The following CERCAM variants were observed in gnomAD, a reference collection of about 807,000 sequenced individuals.
CERCAM encodes cerebral endothelial cell adhesion molecule, also known as inactive glycosyltransferase 25 family member 3.
In CERCAM, 59 loss-of-function variants were observed where a neutral mutation model predicts 66.0. That is an observed-to-expected ratio of 0.89 (90% CI 0.73 to 1.11). CERCAM has a LOEUF of 1.11. Among genes scored for constraint, CERCAM ranks in the 50% most tolerant of loss-of-function variants. The pLI, the probability that CERCAM is intolerant of heterozygous loss-of-function variation, is 0.00. For missense variants in CERCAM, 840 were observed against 828.3 expected, an observed-to-expected ratio of 1.01 and a Z score of -0.17; for synonymous variants, 318 against 343.6, an observed-to-expected ratio of 0.93 and a Z score of 0.83.
In CERCAM at chr9:128,429,790, A is replaced by AT. The variant is rs1343447587; in HGVS notation, c.1070+769dup. On this transcript the variant is annotated intron_variant, in intron 8 of 12. Coordinates refer to ENST00000372838, the MANE Select transcript of CERCAM (RefSeq NM_016174.5). Reference sequence around the variant, plus strand: ...TATCACATCCAGCTAATTAAAAAGAATTTTTTTTTTTTTTTGAGGCAGAGT... The same window carrying AT: ...TATCACATCCAGCTAATTAAAAAGAATTTTTTTTTTTTTTTTGAGGCAGAGT... Among the ~76,000 whole-genome samples, 289 of 141,494 alleles carry AT rather than the reference A, an allele frequency of 2.0e-3. 1 individual carries two copies. The highest frequency in any genetic ancestry group is 3.8e-3 in the Middle Eastern group (1 of 260). The allele number at this position is 141,494 out of a possible 152,430, so 92.8% of individuals were successfully genotyped here.
Position 128,428,406 on chromosome 9 carries a change from A to G in CERCAM, c.871A>G (p.Ile291Val). The G allele has an allele frequency of 6.2e-7, 1 of 1,614,026 alleles. No individual in the cohort carries two copies. The highest frequency in any genetic ancestry group is 1.7e-5 in the Admixed American group (1 of 59,998). The stretch of plus-strand genomic sequence containing the variant: ...CGAGAGGGTCAACTTCATCCACCTG[A>G]TCTTAGAAGCACTAGGTGAGGGCTG... ...EDERVNFIHL[I>V]LEALVDGPRM... The change falls in exon 6 of 13, where the codon ATC becomes GTC. Residue 291 changes from isoleucine (I) to valine (V), a missense_variant. Ile to Val is a conservative substitution (Grantham distance 29). Coordinates refer to ENST00000372838, the MANE Select transcript of CERCAM (RefSeq NM_016174.5).
intron 9 of CERCAM, chr9:128,431,927 C>T (rs1199562117): frequency 2.0e-5 from 3 of 152,554 alleles, no homozygotes; most frequent in Admixed American, 6.5e-5. Context: ...CTGGGCCCTC[C>T]AAGGGCAGCC....
At chr9:128,431,075 G>T in intron 8 of CERCAM, 96 bp from the exon 9 acceptor site, 1 of 1,435,010 alleles carries the variant, frequency 7.0e-7, no homozygotes, top group South Asian at 1.3e-5. Context: ...CTTCAAACCC[G>T]ACTCCAGTGT....
Position 128,434,692 on chromosome 9 carries a change from C to T in CERCAM, c.1535+79C>T, listed in dbSNP as rs1834068851. On this transcript the variant is annotated intron_variant, in intron 11 of 12. Transcript: ENST00000372838. This position sits in a 1 kb window ranked among gnomAD's most constrained non-coding sequence, Gnocchi z 4.5. ...ACTCACCTCAGTCAGCAGGAAGTCC[C>T]CTCACCTGGCAGATGGGGAGACTGG... The T allele has an allele frequency of 2.9e-6, 4 of 1,400,224 alleles. No individual in the cohort carries two copies. Among genetic ancestry groups the T allele is most frequent in the South Asian group, 2.6e-5 (2 of 77,986 alleles). 86.7% of individuals were successfully genotyped at this position (1,400,224 alleles called of 1,614,324 possible).
In CERCAM at chr9:128,428,918, T is replaced by C. The variant is rs1381278685; in HGVS notation, c.964-12T>C. The C allele has an allele frequency of 6.2e-7, 1 of 1,607,692 alleles. No homozygotes were observed. Among genetic ancestry groups the C allele is most frequent in the Non-Finnish European group, 8.5e-7 (1 of 1,176,768 alleles). On this transcript the variant is annotated splice_polypyrimidine_tract_variant and intron_variant, in intron 7 of 12. Transcript: ENST00000372838. ...CCCTTGCACTTACCGCCCACCCCCC[T>C]GCCTCCTCCAGGTCTTTGTCATCAG...
intron 9 of CERCAM, among the ~76,000 whole-genome samples, chr9:128,433,305 G>T (rs540857642): frequency 1.8e-4 from 26 of 145,538 alleles, no homozygotes; most frequent in Non-Finnish European, 2.7e-4. Context: ...AAAAAAATTA[G>T]CCCGGTGTGG....
In CERCAM at chr9:128,424,251, C is replaced by G. The variant is rs1833782911; in HGVS notation, c.540C>G (p.Phe180Leu). ...MLDSQTYYSNFWCGITPQGYY... is the reference protein window; with the variant it reads ...MLDSQTYYSNLWCGITPQGYY... ...ACTCCCAGACCTACTACTCCAACTTCTGGTGTGGGATCACCCCCCAGGTGA... is the reference window on the plus strand; with the variant it reads ...ACTCCCAGACCTACTACTCCAACTTGTGGTGTGGGATCACCCCCCAGGTGA... The change falls in exon 4 of 13, where the codon TTC becomes TTG. Residue 180 changes from phenylalanine to leucine, a missense_variant. Physicochemically the swap from Phe to Leu is conservative, Grantham distance 22 (BLOSUM62 0). Coordinates refer to ENST00000372838, the MANE Select transcript of CERCAM (RefSeq NM_016174.5). The G allele has an allele frequency of 6.2e-7, 1 of 1,614,180 alleles. No homozygotes were observed.
intron 1 of CERCAM, chr9:128,421,631 T>C (rs893671376): frequency 3.0e-6 from 2 of 665,654 alleles, no homozygotes; most frequent in African/African-American, 4.0e-5. Flanking sequence ...CGGGATCCTG[T>C]CAGCCAAGGG....
intron 8 of CERCAM, 108 bp downstream of exon 8, chr9:128,429,144 C>T (rs1833918374): frequency 3.9e-6 from 3 of 762,032 alleles, no homozygotes; most frequent in Non-Finnish European, 4.2e-6. Context: ...AGTTTCCTGT[C>T]CCATGTAGTA....
chr9:128,432,805 G>A (rs557581501), intron 9 of CERCAM, among the ~76,000 whole-genome samples: 2 of 152,168 alleles, frequency 1.3e-5, no homozygotes, highest in Admixed American at 1.3e-4. Flanking sequence ...TGGATATTCG[G>A]GGCTGGGGTC....
upstream of CERCAM, chr9:128,419,687 C>T (rs2131321719): frequency 6.6e-6 from 1 of 152,372 alleles, no homozygotes; most frequent in East Asian, 1.9e-4. Context: ...CCCTTTTCTG[C>T]TCCTCTCCCG....
At position 128,428,330 on chromosome 9, in the gene CERCAM, C is replaced by G. The variant is rs761479226; in HGVS notation, c.795C>G (p.His265Gln). 6.2e-7 allele frequency: 1 copy of G among 1,614,112 alleles called. No individual in the cohort carries two copies. The highest frequency in any genetic ancestry group is 8.5e-7 in the Non-Finnish European group (1 of 1,180,014). The change falls in exon 6 of 13, where the codon CAC (histidine) becomes CAG (glutamine). Residue 265 changes from histidine to glutamine, a missense_variant. By Grantham distance (24) the His-to-Gln change is conservative. Coordinates refer to ENST00000372838, the MANE Select transcript of CERCAM (RefSeq NM_016174.5). ...AGVSVHVCNE[H>Q]RYGYMNVPVK... ...TCTCCGTCCACGTGTGCAATGAGCACCGTTATGGGTACATGAATGTGCCGG... is the reference window on the plus strand; with the variant it reads ...TCTCCGTCCACGTGTGCAATGAGCAGCGTTATGGGTACATGAATGTGCCGG...
rs74627323 is a variant in CERCAM, at chr9:128,421,565, C to T, written c.197+491C>T. The T allele has an allele frequency of 1.8e-4, 174 of 964,026 alleles. 1 individual carries two copies. The African/African-American group carries it at 2.8e-3, about 15-fold the overall frequency. 59.7% of individuals were successfully genotyped at this position (964,026 alleles called of 1,614,324 possible). A position where few individuals can be genotyped will look rare whatever the true frequency, so the allele number is the denominator to read the frequency against. On this transcript the variant is annotated intron_variant, in intron 1 of 12. Coordinates refer to ENST00000372838, the MANE Select transcript of CERCAM (RefSeq NM_016174.5). ...GGGCTGTGCAGGGGAGTCAGACCGG[C>T]CCCCCCACCGCCCCCGTGCTGGGGC...
At chr9:128,424,816 G>A (rs144388634) in intron 5 of CERCAM, among the ~76,000 whole-genome samples, 16 of 147,548 alleles carry the variant, frequency 1.1e-4, no homozygotes, top group East Asian at 2.0e-4. Flanking sequence ...TCTGCCTCCC[G>A]GGTTCAAATG....
chr9:128,428,599 C>G (rs1298961299), intron 6 of CERCAM, among the ~76,000 whole-genome samples, 158 bp from the exon 7 acceptor site: 1 of 152,058 alleles, frequency 6.6e-6, no homozygotes, highest in Non-Finnish European at 1.5e-5. Context: ...GTCTAGCATC[C>G]CTACAATGGG....
chr9:128,421,374 C>A (rs1336480880), intron 1 of CERCAM: 5 of 1,144,044 alleles, frequency 4.4e-6, no homozygotes, highest in Non-Finnish European at 5.4e-6. Flanking sequence ...GCCCTTTTCA[C>A]CCCAGCCTTC....
At chr9:128,436,658 GGC>G (rs1834121381) in intron 12 of CERCAM, among the ~76,000 whole-genome samples, 189 bp from the exon 13 acceptor site, 1 of 152,214 alleles carries the variant, frequency 6.6e-6, no homozygotes, top group African/African-American at 2.4e-5. Context: ...GGGGATTACA[GGC>G]GTGAGCCACT....
In CERCAM at chr9:128,428,370, G is replaced by C; in HGVS notation, c.835G>C (p.Gly279Arg). 1 of 1,614,166 alleles carries C rather than the reference G, an allele frequency of 6.2e-7. No homozygotes were observed. Among genetic ancestry groups the C allele is most frequent in the Non-Finnish European group, 8.5e-7 (1 of 1,180,032 alleles). The part of the protein sequence containing the change: ...YMNVPVKSHQ[G>R]LEDERVNFIH... Reference sequence around the variant, plus strand: ...GAATGTGCCGGTGAAATCCCACCAGGGGCTGGAAGACGAGAGGGTCAACTT... The same window carrying C: ...GAATGTGCCGGTGAAATCCCACCAGCGGCTGGAAGACGAGAGGGTCAACTT... Residue 279 changes from glycine to arginine, a missense_variant, in exon 6 of 13, where the codon GGG becomes CGG. Gly to Arg is a moderately radical substitution (Grantham distance 125). Transcript: ENST00000372838.
Position 128,423,251 on chromosome 9 carries a change from C to T in CERCAM, c.414C>T (p.Ala138=), listed in dbSNP as rs747348089. 18 of 1,613,396 alleles carry T rather than the reference C, an allele frequency of 1.1e-5. No homozygotes were observed. Among genetic ancestry groups the T allele is most frequent in the Admixed American group, 1.7e-5 (1 of 59,982 alleles). ...EALTFARNWG[A]DYILFADTDN... is the part of the protein sequence containing the mutation. ...TCACCTTTGCCAGGAACTGGGGGGCCGACTATATCCTGGTGAGGAAGTCTG... is the reference window on the plus strand; with the variant it reads ...TCACCTTTGCCAGGAACTGGGGGGCTGACTATATCCTGGTGAGGAAGTCTG... Residue 138 remains alanine (A), a synonymous_variant, in exon 3 of 13, where the codon GCC becomes GCT. Coordinates refer to ENST00000372838, the MANE Select transcript of CERCAM (RefSeq NM_016174.5).
Sources: allele counts gnomAD v4.1 joint callset (sites outside exome capture counted in the v4.1 genomes callset), GRCh38; gene constraint gnomAD v4.1.1; non-coding constraint Gnocchi (gnomAD v3.1); transcripts MANE v1.5; gene names NCBI Gene and HGNC (gene_info 2026-07-23, HGNC 2026-07-21).